Variants in PTPRK observed in about 807,000 individuals in gnomAD.
PTPRK encodes the protein protein tyrosine phosphatase receptor type K, also known as receptor-type tyrosine-protein phosphatase kappa.
A neutral mutation model predicts 178.0 loss-of-function variants in PTPRK; 75 were observed. The ratio of observed to expected loss-of-function variants is 0.42; its 90% CI spans 0.35 to 0.51. The LOEUF (loss-of-function observed/expected upper bound fraction) is 0.51. PTPRK is among the 20% of genes least tolerant of loss of function. The pLI, the probability that PTPRK is intolerant of heterozygous loss-of-function variation, is 0.02. For synonymous variants in PTPRK, 637 were observed against 620.6 expected (o/e 1.03, Z -0.39); for missense variants, 1,441 against 1,797.8 (o/e 0.80, Z 3.59).
intron 7 of PTPRK, among the ~76,000 whole-genome samples, chr6:128,151,330 A>T: frequency 6.6e-6 from 1 of 152,078 alleles, no homozygotes; most frequent in East Asian, 1.9e-4. Context: ...TGCCACAAAA[A>T]ATTAAGTCAA....
chr6:128,382,306 T>G (rs1436372954), intron 2 of PTPRK, among the ~76,000 whole-genome samples: 4 of 151,964 alleles, frequency 2.6e-5, no homozygotes. Flanking sequence ...AACTATGACT[T>G]CTATTATAGA....
intron 7 of PTPRK, among the ~76,000 whole-genome samples, chr6:128,155,466 G>A (rs1279693007): frequency 3.3e-5 from 5 of 151,568 alleles, no homozygotes; most frequent in South Asian, 2.1e-4. Context: ...TAGGAAAGGC[G>A]TGTTAAATAT....
chr6:127,987,475 C>T (rs1776113753), intron 21 of PTPRK, among the ~76,000 whole-genome samples: 1 of 151,918 alleles, frequency 6.6e-6, no homozygotes, highest in Admixed American at 6.6e-5. Flanking sequence ...GATATTTTGG[C>T]ACTTTGTATT....
At chr6:128,013,907 T>G (rs1779316413) in intron 13 of PTPRK, among the ~76,000 whole-genome samples, 1 of 151,484 alleles carries the variant, frequency 6.6e-6, no homozygotes, top group African/African-American at 2.4e-5. Context: ...TTTTCTAGGA[T>G]TTCAACTGTA....
intron 3 of PTPRK, among the ~76,000 whole-genome samples, chr6:128,308,258 A>C (rs1826731651): frequency 6.6e-6 from 1 of 152,058 alleles, no homozygotes; most frequent in South Asian, 2.1e-4. Context: ...AATGATGAAC[A>C]AAAAATTCAA....
At chr6:128,033,209 T>C (rs1007729139) in intron 13 of PTPRK, among the ~76,000 whole-genome samples, 3 of 152,202 alleles carry the variant, frequency 2.0e-5, no homozygotes, top group African/African-American at 7.2e-5. Context: ...GGGTAGCACT[T>C]GGGGCCTGGC....
chr6:128,444,824 T>C (rs997945447), intron 1 of PTPRK, among the ~76,000 whole-genome samples: 3 of 152,112 alleles, frequency 2.0e-5, no homozygotes, highest in Non-Finnish European at 4.4e-5. Context: ...AGATCTTCCT[T>C]CAAAGCCAGG....
At chr6:128,111,489 C>G (rs1162217329) in intron 7 of PTPRK, among the ~76,000 whole-genome samples, 2 of 152,168 alleles carry the variant, frequency 1.3e-5, no homozygotes, top group Non-Finnish European at 2.9e-5. Context: ...GAATATTCCT[C>G]TTAAATCTGC....
chr6:128,194,261 T>C (rs929022635), intron 6 of PTPRK, among the ~76,000 whole-genome samples: 11 of 151,844 alleles, frequency 7.2e-5, no homozygotes, highest in Non-Finnish European at 1.3e-4. Flanking sequence ...AATTTTTCTG[T>C]ATTTTTCGTA....
At chr6:128,383,852 TTAG>T (rs2128358555) in intron 2 of PTPRK, among the ~76,000 whole-genome samples, 1 of 152,314 alleles carries the variant, frequency 6.6e-6, no homozygotes, top group Admixed American at 6.5e-5. Flanking sequence ...GTCAAAATCA[TTAG>T]TAGATTACAT....
Position 127,981,224 on chromosome 6 carries a change from G to A in PTPRK, c.3603C>T (p.Asn1201=). 6.2e-7 allele frequency: 1 copy of A among 1,613,906 alleles called. No homozygotes were observed. Among genetic ancestry groups the A allele is most frequent in the Non-Finnish European group, 8.5e-7 (1 of 1,179,894 alleles). The part of the protein sequence containing the change: ...EDCSIACLPR[N]HDKNRFMDML... Reference sequence around the variant, plus strand: ...TGTCCATGAAACGGTTCTTGTCATGGTTCCTTGGCAGGCACGCTATACTGC... The same window carrying A: ...TGTCCATGAAACGGTTCTTGTCATGATTCCTTGGCAGGCACGCTATACTGC... The change falls in exon 25 of 30, where the codon AAC becomes AAT. Residue 1201 remains asparagine (N), a synonymous_variant. Coordinates refer to ENST00000368226, the MANE Select transcript of PTPRK (RefSeq NM_002844.4).
chr6:128,501,391 TCA>T (rs67621491), intron 1 of PTPRK, among the ~76,000 whole-genome samples: 2,497 of 145,308 alleles, frequency 0.017, 28 homozygotes, highest in Non-Finnish European at 0.028. Context: ...TAAACTCAAA[TCA>T]CACACACACA....
At chr6:127,991,431 A>G (rs746954830) in intron 19 of PTPRK, 40 bp from the exon 20 acceptor site, 1 of 1,469,988 alleles carries the variant, frequency 6.8e-7, no homozygotes, top group Admixed American at 2.1e-5. Context: ...TATCAAAGGA[A>G]TTTTGTAGTT....
intron 3 of PTPRK, among the ~76,000 whole-genome samples, chr6:128,295,045 T>C (rs1027924626): frequency 6.6e-6 from 1 of 152,106 alleles, no homozygotes; most frequent in African/African-American, 2.4e-5. Flanking sequence ...GATTCCATTA[T>C]ACAGTTTGGA....
chr6:127,981,376 G>T, intron 24 of PTPRK, 87 bp from the exon 25 acceptor site: 2 of 1,202,278 alleles, frequency 1.7e-6, no homozygotes, highest in African/African-American at 1.5e-5. Flanking sequence ...AGAAGGCCAA[G>T]TAGAAAGTGA....
At chr6:128,013,299 C>A (rs57280609) in intron 13 of PTPRK, among the ~76,000 whole-genome samples, 3,235 of 151,518 alleles carry the variant, frequency 0.021, 113 homozygotes, top group African/African-American at 0.074. Flanking sequence ...GTGTTCCATA[C>A]TTTCTGGCTT....
At chr6:128,367,364 A>C (rs963328862) in intron 2 of PTPRK, among the ~76,000 whole-genome samples, 1 of 152,182 alleles carries the variant, frequency 6.6e-6, no homozygotes, top group Non-Finnish European at 1.5e-5. Context: ...ACAGGATTCT[A>C]GAATCCAAGG....
At chr6:128,067,110 T>C (rs574429178) in intron 12 of PTPRK, among the ~76,000 whole-genome samples, 37 of 152,370 alleles carry the variant, frequency 2.4e-4, no homozygotes, top group Non-Finnish European at 4.6e-4. Context: ...ATTAGCCTGC[T>C]GTGGAACACG....
At chr6:128,258,721 G>C (rs1405700371) in intron 3 of PTPRK, among the ~76,000 whole-genome samples, 1 of 152,180 alleles carries the variant, frequency 6.6e-6, no homozygotes, top group East Asian at 1.9e-4. Flanking sequence ...GGGTAGAGAC[G>C]GGGTAATTAG....
Sources: gnomAD v4.1 joint callset for allele counts (sites outside exome capture counted in the v4.1 genomes callset) on GRCh38, gnomAD v4.1.1 for gene constraint, MANE v1.5 for transcripts, NCBI Gene and HGNC (gene_info 2026-07-23, HGNC 2026-07-21) for gene names.